The following CELF4 variants were observed in gnomAD, a reference collection of about 807,000 sequenced individuals.
CELF4 encodes the protein CUGBP Elav-like family member 4.
CELF4 carries 18 observed loss-of-function variants against 59.9 expected under a neutral mutation model. That is an observed-to-expected ratio of 0.30 (90% CI 0.21 to 0.45). The LOEUF (loss-of-function observed/expected upper bound fraction) is 0.45, where lower values mean the gene tolerates loss of function less well. CELF4 is among the 20% of genes least tolerant of loss of function. CELF4 has a pLI of 1.00. For synonymous variants in CELF4, 261 were observed against 267.1 expected (o/e 0.98, Z 0.22); for missense variants, 456 against 689.0 (o/e 0.66, Z 3.79).
At position 37,387,017 on chromosome 18, in the gene CELF4, G is replaced by T. The variant is rs1359256423; in HGVS notation, c.370-65136C>A. Among the ~76,000 whole-genome samples the T allele has an allele frequency of 2.0e-5, 3 of 152,354 alleles. No individual in the cohort carries two copies. The East Asian group carries it at 5.8e-4, about 29-fold the overall frequency. ...GGGCTCTCTTGGCGATAGAGAGACG[G>T]CACGCACGGGGCTGAGCCTGCTGCG... On this transcript the variant is annotated intron_variant, in intron 2 of 12. Transcript: ENST00000420428.
chr18:37,550,610 T>A (rs1328369751), intron 1 of CELF4, among the ~76,000 whole-genome samples: 1 of 152,252 alleles, frequency 6.6e-6, no homozygotes, highest in African/African-American at 2.4e-5. Context: ...GCAGCCTCTG[T>A]GATCCGCAGG....
chr18:37,523,304 C>T (rs1352714405), intron 1 of CELF4, among the ~76,000 whole-genome samples: 1 of 152,206 alleles, frequency 6.6e-6, no homozygotes, highest in African/African-American at 2.4e-5. Flanking sequence ...CCAGGTCTCT[C>T]TTGGGGCCAG....
chr18:37,483,411 A>G (rs975652332), intron 2 of CELF4, among the ~76,000 whole-genome samples: 1 of 151,816 alleles, frequency 6.6e-6, no homozygotes, highest in African/African-American at 2.4e-5. Context: ...GAGGTTTTTG[A>G]GGCCATGAGT....
chr18:37,360,789 C>T (rs1488660310), intron 2 of CELF4, among the ~76,000 whole-genome samples: 1 of 151,978 alleles, frequency 6.6e-6, no homozygotes, highest in African/African-American at 2.4e-5. Flanking sequence ...AGAGGGGGAA[C>T]TGCTTGGGAT....
chr18:37,293,793 C>T (rs960453800), intron 3 of CELF4, among the ~76,000 whole-genome samples: 1 of 152,136 alleles, frequency 6.6e-6, no homozygotes, highest in Non-Finnish European at 1.5e-5. Flanking sequence ...TCGAAATGGT[C>T]AGCACCAATT....
chr18:37,429,132 T>G (rs1157249459), intron 2 of CELF4, among the ~76,000 whole-genome samples: 1 of 152,216 alleles, frequency 6.6e-6, no homozygotes, highest in African/African-American at 2.4e-5. Context: ...TTGCTTACTT[T>G]ATAACAGGGG....
chr18:37,289,056 G>A (rs975140868), intron 3 of CELF4, among the ~76,000 whole-genome samples: 2 of 152,162 alleles, frequency 1.3e-5, no homozygotes, highest in African/African-American at 4.8e-5. Context: ...CTATGCACAA[G>A]GGACTGTGTC....
chr18:37,485,451 C>A (rs1210464529), intron 2 of CELF4, 74 bp downstream of exon 2: 22 of 959,016 alleles, frequency 2.3e-5, no homozygotes, highest in Non-Finnish European at 2.7e-5. Context: ...CCGCGCGCCG[C>A]GCCGCCGCCC....
At chr18:37,530,306 G>A (rs954475889) in intron 1 of CELF4, among the ~76,000 whole-genome samples, 1 of 152,178 alleles carries the variant, frequency 6.6e-6, no homozygotes, top group Non-Finnish European at 1.5e-5. Context: ...GAGAGGCTAA[G>A]GAACTTGTGT....
chr18:37,365,781 C>T (rs910266264), intron 2 of CELF4, among the ~76,000 whole-genome samples: 4 of 152,022 alleles, frequency 2.6e-5, no homozygotes, highest in Admixed American at 1.3e-4. Flanking sequence ...CCACCGCACC[C>T]GGCCTGGGAT....
intron 2 of CELF4, among the ~76,000 whole-genome samples, chr18:37,413,001 T>C (rs1318633091): frequency 2.0e-5 from 3 of 151,976 alleles, no homozygotes; most frequent in Non-Finnish European, 1.5e-5. Context: ...GCAGAGGGGC[T>C]CCCCTCCCCG....
intron 3 of CELF4, among the ~76,000 whole-genome samples, chr18:37,281,930 G>A (rs2094193010): frequency 6.6e-6 from 1 of 152,174 alleles, no homozygotes; most frequent in South Asian, 2.1e-4. Flanking sequence ...ACCTTCAGTA[G>A]CAAGGGACAG....
intron 1 of CELF4, among the ~76,000 whole-genome samples, chr18:37,552,995 C>T (rs191525023): frequency 9.8e-4 from 149 of 152,360 alleles, no homozygotes; most frequent in African/African-American, 2.8e-3. Context: ...CTTTAACTTG[C>T]TGTTCCTCTC....
intron 1 of CELF4, 37 bp from the exon 2 acceptor site, chr18:37,485,644 G>A: frequency 7.6e-7 from 1 of 1,319,882 alleles, no homozygotes. Context: ...GGGTCAGTGG[G>A]GCGCCCCCGG....
At chr18:37,501,558 G>T (rs759946244) in intron 1 of CELF4, among the ~76,000 whole-genome samples, 5 of 152,244 alleles carry the variant, frequency 3.3e-5, no homozygotes, top group Non-Finnish European at 7.3e-5. Context: ...CTGGGGATGG[G>T]CCTGGGACAG....
At chr18:37,454,297 T>G (rs1786795) in intron 2 of CELF4, among the ~76,000 whole-genome samples, 87,502 of 149,036 alleles carry the variant, frequency 0.59, 25,733 homozygotes, top group East Asian at 0.96. Flanking sequence ...CATCTCCTGT[T>G]TTCCATGCCA....
chr18:37,445,044 A>C (rs955655173), intron 2 of CELF4, among the ~76,000 whole-genome samples: 2 of 152,104 alleles, frequency 1.3e-5, no homozygotes, highest in African/African-American at 4.8e-5. Flanking sequence ...GGGGCATGTA[A>C]CTGTAACTTT....
chr18:37,326,287 A>G (rs551908890), intron 2 of CELF4, among the ~76,000 whole-genome samples: 5 of 152,264 alleles, frequency 3.3e-5, no homozygotes, highest in African/African-American at 4.8e-5. Flanking sequence ...GAAGACCAGA[A>G]GGCCAGTTGC....
chr18:37,427,214 G>A (rs2099619990), intron 2 of CELF4, among the ~76,000 whole-genome samples: 1 of 152,150 alleles, frequency 6.6e-6, no homozygotes, highest in Non-Finnish European at 1.5e-5. Flanking sequence ...TTGCTGGCCT[G>A]GGGTAGGAGG....
Sources: allele counts gnomAD v4.1 joint callset (sites outside exome capture counted in the v4.1 genomes callset), GRCh38; gene constraint gnomAD v4.1.1; transcripts MANE v1.5; gene names NCBI Gene and HGNC (gene_info 2026-07-23, HGNC 2026-07-21).